MYRIP: variants seen among roughly 807,000 people sequenced by gnomAD.
MYRIP encodes myosin VIIA and Rab interacting protein, also known as rab effector MyRIP.
MYRIP carries 49 observed loss-of-function variants against 98.0 expected under a neutral mutation model. The ratio of observed to expected loss-of-function variants is 0.50; its 90% CI spans 0.40 to 0.63. MYRIP has a LOEUF of 0.63. Among genes scored for constraint, MYRIP ranks in the 30% least tolerant of loss-of-function variants. The pLI is 0.00. For missense variants in MYRIP, 1,004 were observed against 1,058.2 expected (o/e 0.95, Z 0.71); for synonymous variants, 404 against 409.5 (o/e 0.99, Z 0.16).
chr3:39,948,518 T>A (rs1944945971), intron 2 of MYRIP, among the ~76,000 whole-genome samples: 1 of 151,958 alleles, frequency 6.6e-6, no homozygotes, highest in Non-Finnish European at 1.5e-5. Context: ...TTAAAGTAAG[T>A]AATAATTTAA....
chr3:40,229,550 G>C (rs1952589236), intron 11 of MYRIP, among the ~76,000 whole-genome samples: 1 of 152,254 alleles, frequency 6.6e-6, no homozygotes, highest in South Asian at 2.1e-4. Context: ...GAGGTTGACA[G>C]TAGTTTCGCT....
chr3:39,842,208 G>T (rs1194030668), intron 1 of MYRIP, among the ~76,000 whole-genome samples: 1 of 152,168 alleles, frequency 6.6e-6, no homozygotes, highest in East Asian at 1.9e-4. Flanking sequence ...TTGCTATGCT[G>T]TGGTGGGTTC....
At chr3:39,886,543 T>G (rs1276356031) in intron 1 of MYRIP, among the ~76,000 whole-genome samples, 1 of 151,592 alleles carries the variant, frequency 6.6e-6, no homozygotes, top group Non-Finnish European at 1.5e-5. Flanking sequence ...GCAATCCTAG[T>G]CTCTGATAAA....
chr3:40,111,409 G>T (rs1949155113), intron 3 of MYRIP, among the ~76,000 whole-genome samples: 1 of 152,182 alleles, frequency 6.6e-6, no homozygotes, highest in African/African-American at 2.4e-5. Flanking sequence ...TCAGAGATGA[G>T]ATTTTCTTTA....
intron 3 of MYRIP, among the ~76,000 whole-genome samples, chr3:40,111,562 T>G (rs1949157678): frequency 6.6e-6 from 1 of 152,104 alleles, no homozygotes. Context: ...AGTATGTTGA[T>G]GGGACTGATG....
intron 3 of MYRIP, among the ~76,000 whole-genome samples, chr3:40,044,483 G>A (rs1219015444): frequency 1.3e-5 from 2 of 152,216 alleles, no homozygotes; most frequent in African/African-American, 4.8e-5. Flanking sequence ...GCACCTGGGT[G>A]TGAATAGAAA....
chr3:39,850,899 T>G (rs1281582432), intron 1 of MYRIP, among the ~76,000 whole-genome samples: 1 of 152,196 alleles, frequency 6.6e-6, no homozygotes, highest in Non-Finnish European at 1.5e-5. Flanking sequence ...AGCTGTGTAT[T>G]TTTATTGAGT....
intron 10 of MYRIP, among the ~76,000 whole-genome samples, chr3:40,197,552 C>A (rs1951430919): frequency 6.6e-6 from 1 of 152,200 alleles, no homozygotes; most frequent in African/African-American, 2.4e-5. Flanking sequence ...GTCTAGACTT[C>A]AAATGCAGGT....
chr3:39,917,400 G>T (rs1944187743), intron 2 of MYRIP, among the ~76,000 whole-genome samples: 1 of 142,292 alleles, frequency 7.0e-6, no homozygotes, highest in African/African-American at 2.6e-5. Flanking sequence ...CATAAAAAGA[G>T]TCAAAACTAC....
At chr3:39,968,767 G>A (rs752242324) in intron 2 of MYRIP, among the ~76,000 whole-genome samples, 12 of 152,078 alleles carry the variant, frequency 7.9e-5, no homozygotes, top group Non-Finnish European at 1.8e-4. Flanking sequence ...GATACCTCCA[G>A]CTTTGTTCAT....
chr3:39,873,090 G>A (rs1379647008), intron 1 of MYRIP, among the ~76,000 whole-genome samples: 1 of 152,208 alleles, frequency 6.6e-6, no homozygotes, highest in Non-Finnish European at 1.5e-5. Context: ...GATGGCCAGT[G>A]ATGGTGAGCA....
intron 3 of MYRIP, among the ~76,000 whole-genome samples, chr3:40,097,607 C>A (rs1235339097): frequency 2.6e-5 from 4 of 152,150 alleles, no homozygotes; most frequent in African/African-American, 9.7e-5. Context: ...ATAAAAAACA[C>A]CCCCTCTCCA....
At chr3:39,835,310 C>A (rs753659935) in intron 1 of MYRIP, among the ~76,000 whole-genome samples, 1 of 148,922 alleles carries the variant, frequency 6.7e-6, no homozygotes, top group East Asian at 2.0e-4. Flanking sequence ...GGACTAAAAT[C>A]TTTGTTTTAA....
chr3:39,950,647 C>T, intron 2 of MYRIP, among the ~76,000 whole-genome samples: 1 of 152,152 alleles, frequency 6.6e-6, no homozygotes, highest in Non-Finnish European at 1.5e-5. Flanking sequence ...TCCTGAGCTT[C>T]TTCACAGCGT....
intron 3 of MYRIP, among the ~76,000 whole-genome samples, chr3:40,118,717 A>AG (rs1157993175): frequency 6.6e-6 from 1 of 151,666 alleles, no homozygotes; most frequent in African/African-American, 2.4e-5. Context: ...CTTGTCATTT[A>AG]CATTAGGTAT....
intron 2 of MYRIP, among the ~76,000 whole-genome samples, chr3:39,954,500 C>A (rs1040486583): frequency 3.9e-5 from 6 of 152,082 alleles, no homozygotes; most frequent in African/African-American, 1.4e-4. Context: ...ACATCCACAC[C>A]AAAACCCCAT....
chr3:39,954,670 C>T (rs1307230604), intron 2 of MYRIP, among the ~76,000 whole-genome samples: 1 of 152,146 alleles, frequency 6.6e-6, no homozygotes, highest in Non-Finnish European at 1.5e-5. Flanking sequence ...ACGGGGAATG[C>T]TTCTGACGAG....
At chr3:39,970,951 CAGA>C (rs1319020786) in intron 2 of MYRIP, among the ~76,000 whole-genome samples, 1 of 152,050 alleles carries the variant, frequency 6.6e-6, no homozygotes, top group African/African-American at 2.4e-5. Context: ...GAGGGAAAAA[CAGA>C]AGTTTTGTTA....
intron 2 of MYRIP, among the ~76,000 whole-genome samples, chr3:39,978,336 T>C (rs1945805234): frequency 6.6e-6 from 1 of 152,214 alleles, no homozygotes; most frequent in Non-Finnish European, 1.5e-5. Flanking sequence ...ACAAGTAGCA[T>C]CTCAGTTTGA....
Sources: gnomAD v4.1 joint callset for allele counts (sites outside exome capture counted in the v4.1 genomes callset) on GRCh38, gnomAD v4.1.1 for gene constraint, MANE v1.5 for transcripts, NCBI Gene and HGNC (gene_info 2026-07-23, HGNC 2026-07-21) for gene names.